Variants in ATP8B4 observed in about 807,000 individuals in gnomAD.
ATP8B4 encodes ATPase phospholipid transporting 8B4 (putative).
A neutral mutation model predicts 145.6 loss-of-function variants in ATP8B4; 133 were observed. The ratio of observed to expected loss-of-function variants is 0.91; its 90% CI spans 0.79 to 1.05. The LOEUF is 1.05. Among genes scored for constraint, ATP8B4 ranks in the 50% least tolerant of loss-of-function variants. The pLI, the probability that ATP8B4 is intolerant of heterozygous loss-of-function variation, is 0.00. For synonymous variants in ATP8B4, 507 were observed against 492.9 expected, an observed-to-expected ratio of 1.03 and a Z score of -0.38; for missense variants, 1,458 against 1,425.2, an observed-to-expected ratio of 1.02 and a Z score of -0.37.
chr15:50,160,115 T>C (rs2044495050), intron 1 of ATP8B4, among the ~76,000 whole-genome samples: 1 of 149,352 alleles, frequency 6.7e-6, no homozygotes, highest in South Asian at 2.1e-4. Flanking sequence ...TCTGCATGGT[T>C]AAATCTTGGT....
At chr15:50,170,939 C>G (rs1267054601) in intron 1 of ATP8B4, among the ~76,000 whole-genome samples, 1 of 152,140 alleles carries the variant, frequency 6.6e-6, no homozygotes, top group Admixed American at 6.5e-5. Flanking sequence ...AACTTTAAAG[C>G]AACAGTGGTT....
intron 13 of ATP8B4, among the ~76,000 whole-genome samples, chr15:49,963,065 A>C (rs2044219996): frequency 6.6e-6 from 1 of 152,192 alleles, no homozygotes; most frequent in South Asian, 2.1e-4. Flanking sequence ...AAACAAATTT[A>C]CAAGAGAAAA....
At position 49,901,181 on chromosome 15, in the gene ATP8B4, A is replaced by G. The variant is rs757265807; in HGVS notation, c.2200T>C (p.Cys734Arg). 3 of 1,613,644 alleles carry G rather than the reference A, an allele frequency of 1.9e-6. No homozygotes were observed. Among genetic ancestry groups the G allele is most frequent in the Non-Finnish European group, 2.5e-6 (3 of 1,179,694 alleles). The stretch of plus-strand genomic sequence containing the variant: ...AACTCCAGCTGCTGCTTTTTTTCAC[A>G]AACTACATGGCCATTGGAAAAATTT... ...NRNFSNGHVV[C>R]EKKQQLELDS... Residue 734 changes from cysteine (C) to arginine (R), a missense_variant, in exon 21 of 28, where the codon TGT (cysteine) becomes CGT (arginine). Cys to Arg is a radical substitution (Grantham distance 180). Transcript: ENST00000284509.
chr15:50,076,661 T>C (rs1035479534), intron 2 of ATP8B4, among the ~76,000 whole-genome samples: 1 of 152,170 alleles, frequency 6.6e-6, no homozygotes, highest in Non-Finnish European at 1.5e-5. Flanking sequence ...CCCCAAAACC[T>C]GATTAGAGCC....
chr15:50,025,915 T>A (rs185670183), intron 6 of ATP8B4, among the ~76,000 whole-genome samples: 1 of 152,328 alleles, frequency 6.6e-6, no homozygotes, highest in East Asian at 1.9e-4. Flanking sequence ...AGAGTGCTAT[T>A]ATCAAGACAA....
At chr15:49,987,974 A>C (rs1292606578) in intron 9 of ATP8B4, among the ~76,000 whole-genome samples, 5 of 152,228 alleles carry the variant, frequency 3.3e-5, no homozygotes, top group African/African-American at 1.2e-4. Flanking sequence ...CTAGTCTCAC[A>C]ACAAAAGTTA....
At chr15:50,008,746 G>C (rs1455531565) in intron 7 of ATP8B4, among the ~76,000 whole-genome samples, 1 of 152,122 alleles carries the variant, frequency 6.6e-6, no homozygotes, top group Non-Finnish European at 1.5e-5. Flanking sequence ...TTTGACTGCT[G>C]CTTTTCTGGA....
chr15:50,116,614 A>T (rs1288315112), intron 1 of ATP8B4, among the ~76,000 whole-genome samples: 4 of 152,184 alleles, frequency 2.6e-5, no homozygotes, highest in Non-Finnish European at 4.4e-5. Context: ...AAGAACAAAG[A>T]GAGGTGAGGA....
intron 9 of ATP8B4, among the ~76,000 whole-genome samples, chr15:49,995,040 A>G (rs545792653): frequency 6.6e-6 from 1 of 152,286 alleles, no homozygotes; most frequent in South Asian, 2.1e-4. Flanking sequence ...ATGTGACATG[A>G]GCAAGAATAA....
chr15:50,126,328 A>G (rs2414022), intron 1 of ATP8B4, among the ~76,000 whole-genome samples: 134,721 of 151,862 alleles, frequency 0.89, 60,074 homozygotes, highest in Non-Finnish European at 0.93. Flanking sequence ...TTCCCAGAAG[A>G]TTAGTCATTC....
chr15:50,070,894 C>A (rs2053687186), intron 3 of ATP8B4, among the ~76,000 whole-genome samples: 1 of 152,094 alleles, frequency 6.6e-6, no homozygotes, highest in Non-Finnish European at 1.5e-5. Context: ...CGCCCCGCAC[C>A]ACCACACCTG....
chr15:49,920,471 C>CAA, intron 17 of ATP8B4, 61 bp from the exon 18 acceptor site: 1 of 1,492,028 alleles, frequency 6.7e-7, no homozygotes, highest in Non-Finnish European at 9.0e-7. Context: ...GAAATAACAA[C>CAA]AACAAAAATA....
chr15:49,961,132 C>CA (rs11392215), intron 14 of ATP8B4, among the ~76,000 whole-genome samples: 33,424 of 130,712 alleles, frequency 0.26, 3,799 homozygotes, highest in East Asian at 0.37. Flanking sequence ...GACTCCATCT[C>CA]AAAAAAAAAA....
chr15:49,878,860 A>G (rs1436927541), intron 24 of ATP8B4, among the ~76,000 whole-genome samples: 4 of 152,128 alleles, frequency 2.6e-5, no homozygotes, highest in African/African-American at 9.7e-5. Context: ...CTCACTGCAG[A>G]TGTTCGCAAC....
chr15:50,009,493 CA>C lies in ATP8B4; in HGVS notation c.435+1351del, dbSNP rs148180353. ...TGTAGTGGTCTAGCATCTTATTTGA[CA>C]CATGGACAAACCAAAGACAAAGAAG... On this transcript the variant is annotated intron_variant, in intron 7 of 27. Coordinates refer to ENST00000284509, the MANE Select transcript of ATP8B4 (RefSeq NM_024837.4). 1.9e-3 allele frequency: 617 copies of C among 331,656 alleles called. 1 individual carries two copies. Among genetic ancestry groups the C allele is most frequent in the Non-Finnish European group, 2.9e-3 (485 of 169,766 alleles). 20.5% of individuals were successfully genotyped at this position (331,656 alleles called of 1,614,324 possible).
At chr15:49,935,373 A>T (rs2041648691) in intron 14 of ATP8B4, among the ~76,000 whole-genome samples, 1 of 152,178 alleles carries the variant, frequency 6.6e-6, no homozygotes, top group South Asian at 2.1e-4. Context: ...ATCAGCCAGG[A>T]CTCAAACTTA....
intron 1 of ATP8B4, among the ~76,000 whole-genome samples, chr15:50,163,681 T>C (rs2044553455): frequency 6.6e-6 from 1 of 152,178 alleles, no homozygotes; most frequent in Non-Finnish European, 1.5e-5. Flanking sequence ...AATCAGCAGA[T>C]GGTGAATCCA....
chr15:50,057,956 C>A (rs963046973), intron 3 of ATP8B4, among the ~76,000 whole-genome samples: 1 of 151,954 alleles, frequency 6.6e-6, no homozygotes, highest in African/African-American at 2.4e-5. Context: ...AAAATGTTTA[C>A]TTTCTTTTTG....
At chr15:50,043,114 T>C (rs758522681) in intron 5 of ATP8B4, among the ~76,000 whole-genome samples, 4 of 152,138 alleles carry the variant, frequency 2.6e-5, no homozygotes, top group Non-Finnish European at 5.9e-5. Context: ...GGGTGTGAGC[T>C]CAGAGGAGTG....
Sources: allele counts gnomAD v4.1 joint callset (sites outside exome capture counted in the v4.1 genomes callset), GRCh38; gene constraint gnomAD v4.1.1; transcripts MANE v1.5; gene names NCBI Gene and HGNC (gene_info 2026-07-23, HGNC 2026-07-21).